SYNPO: variants seen among roughly 807,000 people sequenced by gnomAD.
SYNPO encodes synaptopodin.
SYNPO carries 19 observed loss-of-function variants against 49.5 expected under a neutral mutation model. The ratio of observed to expected loss-of-function variants is 0.38; its 90% confidence interval spans 0.27 to 0.56. The LOEUF (loss-of-function observed/expected upper bound fraction) is 0.56. Ranked by LOEUF, SYNPO falls within the 20% of genes least tolerant of loss-of-function variation. The pLI is 0.68. For missense variants in SYNPO, 1,131 were observed against 1,248.3 expected, an observed-to-expected ratio of 0.91 and a Z score of 1.42; for synonymous variants, 536 against 548.0, an observed-to-expected ratio of 0.98 and a Z score of 0.31.
intron 1 of SYNPO, among the ~76,000 whole-genome samples, chr5:150,641,640 G>T (rs1757913718): frequency 6.6e-6 from 1 of 152,162 alleles, no homozygotes. Context: ...TGGGGGAAAG[G>T]GTTTGTCCCT....
chr5:150,625,013 G>A (rs1757307084), intron 2 of SYNPO: 1 of 974,280 alleles, frequency 1.0e-6, no homozygotes, highest in Non-Finnish European at 1.2e-6. Context: ...GGCACATCTG[G>A]GCTCCAGTCC....
In SYNPO at chr5:150,648,198, T is replaced by A. The variant is rs1758178154; in HGVS notation, c.-78T>A. The stretch of plus-strand genomic sequence containing the variant: ...CCATGCACCGGGGCTCAGCCTGAGT[T>A]CCACCTCGCTGCCGGAGCCAGGCCC... On this transcript the variant is annotated 5_prime_UTR_variant, in exon 2 of 3. Transcript: ENST00000307662. This position sits in a 1 kb window ranked among gnomAD's most constrained non-coding sequence, Gnocchi z 5.0. The A allele has an allele frequency of 6.3e-7, 1 of 1,589,982 alleles. No individual in the cohort carries two copies. The highest frequency in any genetic ancestry group is 1.3e-5 in the African/African-American group (1 of 74,420).
intron 2 of SYNPO, among the ~76,000 whole-genome samples, chr5:150,622,663 T>G (rs1001012129): frequency 2.6e-5 from 4 of 152,208 alleles, no homozygotes; most frequent in Non-Finnish European, 5.9e-5. Context: ...CAGAGGGACC[T>G]GTGTGCGTGT....
At chr5:150,609,535 T>C (rs2151348074) in intron 1 of SYNPO, among the ~76,000 whole-genome samples, 1 of 152,346 alleles carries the variant, frequency 6.6e-6, no homozygotes, top group East Asian at 1.9e-4. Context: ...CCTCAGGTGA[T>C]CTGCCCACCT....
Position 150,648,235 on chromosome 5 carries a change from C to T in SYNPO, c.-41C>T, listed in dbSNP as rs1169560009. 6.2e-7 allele frequency: 1 copy of T among 1,612,826 alleles called. No individual in the cohort carries two copies. On this transcript the variant is annotated 5_prime_UTR_variant, in exon 2 of 3. Transcript: ENST00000307662. This position sits in a 1 kb window ranked among gnomAD's most constrained non-coding sequence, Gnocchi z 5.0. ...CCGGAGCCAGGCCCTCCACGGCACC[C>T]CAGTCCCCAGAGCCCCGACAGAGGG...
At chr5:150,617,094 T>C (rs1421162907) in intron 1 of SYNPO, among the ~76,000 whole-genome samples, 1 of 152,202 alleles carries the variant, frequency 6.6e-6, no homozygotes, top group Non-Finnish European at 1.5e-5. Flanking sequence ...GCTTAGAAAC[T>C]GTGCTGAGTC....
At chr5:150,636,330 A>G (rs1757714193), upstream of SYNPO, among the ~76,000 whole-genome samples, 1 of 152,240 alleles carries the variant, frequency 6.6e-6, no homozygotes, top group Non-Finnish European at 1.5e-5. Flanking sequence ...ATAACTATTA[A>G]GATTTTAAAT....
the SYNPO span, among the ~76,000 whole-genome samples, chr5:150,593,055 G>A: frequency 3.3e-5 from 5 of 152,190 alleles, no homozygotes; most frequent in African/African-American, 4.8e-5. Flanking sequence ...CCTCTGTCCC[G>A]GGACAGTCCT....
chr5:150,587,101 T>A, the SYNPO span, among the ~76,000 whole-genome samples: 1 of 152,052 alleles, frequency 6.6e-6, no homozygotes, highest in Non-Finnish European at 1.5e-5. Context: ...TATGGATACA[T>A]GGATGTATAT....
upstream of SYNPO, among the ~76,000 whole-genome samples, chr5:150,598,629 T>C (rs571682137): frequency 6.6e-6 from 1 of 152,320 alleles, no homozygotes; most frequent in African/African-American, 2.4e-5. Flanking sequence ...AGATATAGTA[T>C]CCAGATAAGT....
intron 2 of SYNPO, among the ~76,000 whole-genome samples, chr5:150,635,235 G>A (rs1363269677): frequency 2.0e-5 from 3 of 152,236 alleles, no homozygotes; most frequent in Non-Finnish European, 4.4e-5. Flanking sequence ...CCCCCTCTGT[G>A]GGTGTGCATG....
chr5:150,645,998 G>A (rs1055911597), intron 1 of SYNPO, among the ~76,000 whole-genome samples: 11 of 152,086 alleles, frequency 7.2e-5, no homozygotes, highest in African/African-American at 2.7e-4. Context: ...GAGTAATCAG[G>A]GATGGGGTGA....
At position 150,640,855 on chromosome 5, in the gene SYNPO, G is replaced by A; in HGVS notation, c.-333+1G>A. 1.0e-6 allele frequency: 1 copy of A among 985,664 alleles called. No individual in the cohort carries two copies. Among genetic ancestry groups the A allele is most frequent in the Non-Finnish European group, 1.2e-6 (1 of 829,980 alleles). 61.1% of individuals were successfully genotyped at this position (985,664 alleles called of 1,614,324 possible). The stretch of plus-strand genomic sequence containing the variant: ...TTGGCTTCAGGGAGGACCTAGCAGA[G>A]TGAGTAAGATGAGCACCCGGAGGTG... On this transcript the variant is annotated splice_donor_variant, in intron 1 of 2. Transcript: ENST00000307662. LOFTEE classifies it low-confidence loss of function (5UTR_SPLICE).
chr5:150,587,051 T>C, the SYNPO span, among the ~76,000 whole-genome samples: 1 of 152,086 alleles, frequency 6.6e-6, no homozygotes, highest in African/African-American at 2.4e-5. Context: ...TATATGTATA[T>C]GTGGATTCAT....
chr5:150,591,963 C>T, the SYNPO span, among the ~76,000 whole-genome samples: 2 of 152,090 alleles, frequency 1.3e-5, no homozygotes, highest in Admixed American at 6.6e-5. Flanking sequence ...GTCAGGAGTT[C>T]GAGACCAGCC....
Position 150,652,073 on chromosome 5 carries a change from C to T in SYNPO, c.2028+1770C>T, listed in dbSNP as rs1758407430. On this transcript the variant is annotated intron_variant, in intron 2 of 2. Transcript: ENST00000307662. ...GTTTTTGTGAGCTCTGGGCTTGTCT[C>T]CATGGGAACAGGGGTGCCTTCTTAG... 3.0e-6 allele frequency: 3 copies of T among 1,000,476 alleles called. No individual in the cohort carries two copies. In the African/African-American group the frequency reaches 5.2e-5, roughly 18 times the overall value. The allele number at this position is 1,000,476 out of a possible 1,614,324, so 62.0% of individuals were successfully genotyped here. A position where few individuals can be genotyped will look rare whatever the true frequency, so the allele number is the denominator to read the frequency against.
upstream of SYNPO, among the ~76,000 whole-genome samples, chr5:150,600,834 A>G (rs1250360577): frequency 3.9e-5 from 6 of 152,036 alleles, no homozygotes; most frequent in African/African-American, 7.3e-5. Context: ...TTGAAATGCT[A>G]CAGAAGTCAG....
chr5:150,647,244 C>CA (rs34332479), intron 1 of SYNPO, among the ~76,000 whole-genome samples: 1,361 of 85,620 alleles, frequency 0.016, 13 homozygotes, highest in African/African-American at 0.033. Flanking sequence ...AACTCCTTCT[C>CA]AAAAAAAAAA....
At chr5:150,624,064 A>T (rs923789553) in intron 2 of SYNPO, among the ~76,000 whole-genome samples, 22 of 152,334 alleles carry the variant, frequency 1.4e-4, no homozygotes, top group African/African-American at 5.1e-4. Flanking sequence ...TCGCACGCTC[A>T]ATCTGAATGG....
Sources: allele counts gnomAD v4.1 joint callset (sites outside exome capture counted in the v4.1 genomes callset), GRCh38; gene constraint gnomAD v4.1.1; non-coding constraint Gnocchi (gnomAD v3.1); transcripts MANE v1.5; gene names NCBI Gene and HGNC (gene_info 2026-07-23, HGNC 2026-07-21).